COG3: variants seen among roughly 807,000 people sequenced by gnomAD.
COG3 encodes component of oligomeric golgi complex 3.
A neutral mutation model predicts 114.1 loss-of-function variants in COG3; 32 were observed. That is an observed-to-expected ratio of 0.28 (90% CI 0.21 to 0.38). The LOEUF is 0.38. COG3 is among the 10% of genes least tolerant of loss of function. The probability of loss-of-function intolerance (pLI) is 1.00; values close to 1 mark genes in which losing one functional copy is unlikely to be tolerated. For synonymous variants in COG3, 352 were observed against 365.7 expected, an observed-to-expected ratio of 0.96 and a Z score of 0.43; for missense variants, 813 against 973.2, an observed-to-expected ratio of 0.84 and a Z score of 2.19.
chr13:45,508,113 T>TAAAAAAAAA (rs1870407787), intron 14 of COG3, among the ~76,000 whole-genome samples: 1 of 102,626 alleles, frequency 9.7e-6, no homozygotes, highest in Non-Finnish European at 1.9e-5. Context: ...AAGAAAGCAC[T>TAAAAAAAAA]AAGCTTCAAC....
chr13:45,525,171 A>C, intron 20 of COG3, 120 bp downstream of exon 20: 1 of 654,456 alleles, frequency 1.5e-6, no homozygotes, highest in Non-Finnish European at 2.5e-6. Flanking sequence ...CTGCAATCTG[A>C]GTTAATGCAG....
At chr13:45,511,361 A>G (rs1197629837) in intron 15 of COG3, among the ~76,000 whole-genome samples, 2 of 152,130 alleles carry the variant, frequency 1.3e-5, no homozygotes, top group Admixed American at 6.6e-5. Flanking sequence ...CTAAAATACA[A>G]TTCTGTTGTA....
At chr13:45,465,235 C>T (rs1489313675) in intron 1 of COG3, 25 bp downstream of exon 1, 2 of 1,610,110 alleles carry the variant, frequency 1.2e-6, no homozygotes, top group East Asian at 4.5e-5. Context: ...AGGAACCGGG[C>T]CGGGGCGATG....
rs150243603 is a variant in COG3 at position 45,516,188 on chromosome 13, C to G, written c.1855C>G (p.Leu619Val). 2 of 1,600,148 alleles carry G rather than the reference C, an allele frequency of 1.2e-6. No homozygotes were observed. The highest frequency in any genetic ancestry group is 2.7e-5 in the African/African-American group (2 of 74,762). Residue 619 changes from leucine to valine, a missense_variant, in exon 17 of 23, where the codon CTT becomes GTT. Leu to Val is a conservative substitution (Grantham distance 32). Coordinates refer to ENST00000349995, the MANE Select transcript of COG3 (RefSeq NM_031431.4). Reference sequence around the variant, plus strand: ...TTTCTTAATTAAGCACCTTTTGATACTTCGTGAACAAATTGCTCCATTTCA... The same window carrying G: ...TTTCTTAATTAAGCACCTTTTGATAGTTCGTGAACAAATTGCTCCATTTCA... ...QLFLIKHLLI[L>V]REQIAPFHTE... is the part of the protein sequence containing the mutation.
At chr13:45,474,880 A>C (rs1485866331) in intron 1 of COG3, among the ~76,000 whole-genome samples, 4 of 152,190 alleles carry the variant, frequency 2.6e-5, no homozygotes, top group South Asian at 2.1e-4. Context: ...CTGGAATTTG[A>C]ACCTAAACAA....
chr13:45,472,500 A>C (rs1053851132), intron 1 of COG3, among the ~76,000 whole-genome samples: 1 of 152,078 alleles, frequency 6.6e-6, no homozygotes, highest in African/African-American at 2.4e-5. Flanking sequence ...ACCATCACAC[A>C]ATTCTTGGAT....
chr13:45,504,381 C>T (rs1483471781), intron 14 of COG3, among the ~76,000 whole-genome samples: 1 of 152,198 alleles, frequency 6.6e-6, no homozygotes, highest in African/African-American at 2.4e-5. Context: ...TAGTATACCT[C>T]TTGGTCCTAG....
At position 45,490,937 on chromosome 13, in the gene COG3, T is replaced by C; in HGVS notation, c.947T>C (p.Leu316Pro). Residue 316 changes from leucine to proline, a missense_variant, in exon 9 of 23, where the codon CTG (leucine) becomes CCG (proline). Leu to Pro is a moderately conservative substitution (Grantham distance 98, BLOSUM62 -3). Transcript: ENST00000349995. ...CAGACTCTTATTGAACAAATAGAAC[T>C]GCGGTCTGAAAAAATACCTGAGTGA... ...KVRTLIEQIE[L>P]RSEKIPEYQQ... The C allele has an allele frequency of 1.2e-6, 2 of 1,601,892 alleles. No individual in the cohort carries two copies. The highest frequency in any genetic ancestry group is 1.1e-5 in the South Asian group (1 of 89,662).
At chr13:45,493,520 T>A in intron 12 of COG3, 34 bp downstream of exon 12, 1 of 1,577,566 alleles carries the variant, frequency 6.3e-7, no homozygotes, top group South Asian at 1.1e-5. Flanking sequence ...TTAAGTTATA[T>A]CACTGGCTCA....
intron 1 of COG3, among the ~76,000 whole-genome samples, chr13:45,474,826 C>T (rs1450594924): frequency 6.6e-6 from 1 of 152,154 alleles, no homozygotes; most frequent in Non-Finnish European, 1.5e-5. Flanking sequence ...TGTCTTATAT[C>T]AATGGACCTT....
chr13:45,534,987 T>C lies in COG3; in HGVS notation c.*256T>C. ...GCCTCGTTTAAATGGTCACAAGAAA[T>C]GTGAAGAGAGAGCTAGGGCAGACAT... On this transcript the variant is annotated 3_prime_UTR_variant, in exon 23 of 23. Transcript: ENST00000349995. The C allele has an allele frequency of 2.5e-6, 3 of 1,221,698 alleles. No individual in the cohort carries two copies. Among genetic ancestry groups the C allele is most frequent in the Non-Finnish European group, 3.1e-6 (3 of 982,224 alleles). 75.7% of individuals were successfully genotyped at this position (1,221,698 alleles called of 1,614,324 possible).
At position 45,479,019 on chromosome 13, in the gene COG3, T is replaced by C; in HGVS notation, c.336T>C (p.Phe112=). Residue 112 remains phenylalanine (F), a synonymous_variant, in exon 3 of 23, where the codon TTT becomes TTC. Transcript: ENST00000349995. ...TGTTTTTCCAGTTTTTCTCATGGTT[T>C]GCAAAGCTGCAAACTCAGATGGATC... ...IETAQQFFSW[F]AKLQTQMDQD... is the part of the protein sequence containing the mutation. 6.2e-7 allele frequency: 1 copy of C among 1,611,334 alleles called. No homozygotes were observed. Among genetic ancestry groups the C allele is most frequent in the Non-Finnish European group, 8.5e-7 (1 of 1,178,996 alleles).
At chr13:45,503,104 A>G (rs1377435178) in intron 13 of COG3, 140 bp from the exon 14 acceptor site, 1 of 428,698 alleles carries the variant, frequency 2.3e-6, no homozygotes, top group Admixed American at 4.2e-5. Context: ...TCTAATATTC[A>G]GAATGTATCC....
chr13:45,522,070 G>GC (rs1443680247), intron 19 of COG3, among the ~76,000 whole-genome samples: 2 of 152,170 alleles, frequency 1.3e-5, no homozygotes, highest in Non-Finnish European at 2.9e-5. Context: ...CACCCAAAGT[G>GC]CTGAGATAAC....
chr13:45,484,155 T>C (rs773399276), intron 7 of COG3, among the ~76,000 whole-genome samples: 6 of 152,248 alleles, frequency 3.9e-5, no homozygotes, highest in Admixed American at 6.5e-5. Context: ...TCTTGAACTT[T>C]CCATGCAAAG....
At chr13:45,503,633 C>T (rs1869794133) in intron 14 of COG3, among the ~76,000 whole-genome samples, 1 of 152,018 alleles carries the variant, frequency 6.6e-6, no homozygotes, top group Admixed American at 6.5e-5. Flanking sequence ...TGTCTGAGAG[C>T]TATAATGTGT....
At chr13:45,526,892 A>G (rs1239691262) in intron 20 of COG3, among the ~76,000 whole-genome samples, 1 of 152,238 alleles carries the variant, frequency 6.6e-6, no homozygotes, top group African/African-American at 2.4e-5. Flanking sequence ...TTCACAACTC[A>G]GCATACTTCT....
chr13:45,502,895 T>C (rs1182516766), intron 13 of COG3, among the ~76,000 whole-genome samples: 1 of 152,224 alleles, frequency 6.6e-6, no homozygotes, highest in African/African-American at 2.4e-5. Flanking sequence ...TCCACCTTTA[T>C]AATTAATGCA....
chr13:45,498,356 C>CT (rs61289410), intron 13 of COG3, among the ~76,000 whole-genome samples: 36,209 of 117,594 alleles, frequency 0.31, 6,499 homozygotes, highest in Non-Finnish European at 0.4. Flanking sequence ...CTTCAGATGT[C>CT]TTTTTTTTTT....
Sources: allele counts gnomAD v4.1 joint callset (sites outside exome capture counted in the v4.1 genomes callset), GRCh38; gene constraint gnomAD v4.1.1; transcripts MANE v1.5; gene names NCBI Gene and HGNC (gene_info 2026-07-23, HGNC 2026-07-21).